Variants in TCF7L2 observed in about 807,000 individuals in gnomAD.
TCF7L2 encodes transcription factor 7-like 2.
TCF7L2 carries 23 observed loss-of-function variants against 77.9 expected under a neutral mutation model. The ratio of observed to expected loss-of-function variants is 0.30; its 90% CI spans 0.21 to 0.42. The LOEUF (loss-of-function observed/expected upper bound fraction) is 0.42. Among genes scored for constraint, TCF7L2 ranks in the 10% least tolerant of loss-of-function variants. The probability of loss-of-function intolerance (pLI) is 1.00; values close to 1 mark genes in which losing one functional copy is unlikely to be tolerated. For synonymous variants in TCF7L2, 413 were observed against 340.2 expected, an observed-to-expected ratio of 1.21 and a Z score of -2.36; for missense variants, 654 against 793.1, an observed-to-expected ratio of 0.82 and a Z score of 2.11.
chr10:113,023,579 C>A (rs2048589143), intron 4 of TCF7L2, among the ~76,000 whole-genome samples: 1 of 152,232 alleles, frequency 6.6e-6, no homozygotes, highest in African/African-American at 2.4e-5. Context: ...TCAAGCGATT[C>A]TCCTGCCTCA....
chr10:113,010,254 A>G (rs906022227), intron 4 of TCF7L2, among the ~76,000 whole-genome samples: 1 of 152,128 alleles, frequency 6.6e-6, no homozygotes, highest in Non-Finnish European at 1.5e-5. Context: ...TCTTTGTGAC[A>G]ATCACCCTCA....
chr10:112,961,513 TA>T (rs558346306), intron 3 of TCF7L2, among the ~76,000 whole-genome samples: 13 of 152,202 alleles, frequency 8.5e-5, no homozygotes, highest in African/African-American at 2.4e-4. Context: ...ATCTGTGCCT[TA>T]AAAAAATTAG....
intron 5 of TCF7L2, among the ~76,000 whole-genome samples, chr10:113,085,982 G>A (rs1445411344): frequency 6.6e-6 from 1 of 152,240 alleles, no homozygotes; most frequent in Non-Finnish European, 1.5e-5. Flanking sequence ...TAGAGGTGAA[G>A]GAGGGCCCTT....
intron 5 of TCF7L2, among the ~76,000 whole-genome samples, chr10:113,103,117 C>T (rs1033115323): frequency 1.3e-5 from 2 of 151,988 alleles, no homozygotes; most frequent in Non-Finnish European, 2.9e-5. Context: ...TCCTTGGTTC[C>T]ACTGAAAGTA....
intron 4 of TCF7L2, among the ~76,000 whole-genome samples, chr10:112,983,194 G>T (rs375276248): frequency 6.6e-6 from 1 of 151,166 alleles, no homozygotes; most frequent in African/African-American, 2.4e-5. Flanking sequence ...AATTTAGGCC[G>T]GGCACGGTGG....
chr10:113,077,233 G>A (rs1298677172), intron 5 of TCF7L2, among the ~76,000 whole-genome samples: 1 of 152,124 alleles, frequency 6.6e-6, no homozygotes, highest in African/African-American at 2.4e-5. Flanking sequence ...TCCCAGAGTT[G>A]TATATTCTTT....
chr10:113,023,289 A>C (rs1303854054), intron 4 of TCF7L2, among the ~76,000 whole-genome samples: 2 of 152,142 alleles, frequency 1.3e-5, no homozygotes, highest in East Asian at 3.8e-4. Flanking sequence ...CCTGCACCTG[A>C]GTAGGGACTG....
At chr10:113,160,121 G>C in intron 12 of TCF7L2, 129 bp downstream of exon 14, 1 of 791,598 alleles carries the variant, frequency 1.3e-6, no homozygotes, top group Non-Finnish European at 2.1e-6. Flanking sequence ...GTGGGACACT[G>C]CCAAGTGTAT....
chr10:112,951,123 C>A, intron 1 of TCF7L2, 84 bp from the exon 2 acceptor site: 1 of 1,304,662 alleles, frequency 7.7e-7, no homozygotes, highest in Non-Finnish European at 1.1e-6. Flanking sequence ...CCCCCCTCGA[C>A]CTCGCCGATT....
At chr10:113,043,976 T>A (rs1181843914) in intron 5 of TCF7L2, among the ~76,000 whole-genome samples, 2 of 152,168 alleles carry the variant, frequency 1.3e-5, no homozygotes, top group African/African-American at 4.8e-5. Flanking sequence ...ATGGTGGTAT[T>A]TTGGTATAGT....
intron 3 of TCF7L2, among the ~76,000 whole-genome samples, chr10:112,956,206 C>T (rs905365287): frequency 1.3e-5 from 2 of 151,940 alleles, no homozygotes; most frequent in African/African-American, 4.8e-5. Context: ...CCCCAGCTGT[C>T]TGGAAGTTAT....
chr10:112,955,102 C>T (rs78132812), intron 3 of TCF7L2, among the ~76,000 whole-genome samples: 1 of 152,032 alleles, frequency 6.6e-6, no homozygotes, highest in African/African-American at 2.4e-5. Context: ...TCCCACCCCC[C>T]CACCTCACCC....
intron 12 of TCF7L2, 85 bp from the exon 14 acceptor site, chr10:113,159,835 C>A (rs1174414268): frequency 2.2e-5 from 2 of 90,922 alleles, no homozygotes; most frequent in South Asian, 5.9e-5. Flanking sequence ...TCTCTTCCCC[C>A]CCCCCCCCCC....
At position 112,950,840 on chromosome 10, in the gene TCF7L2, G is replaced by A. The variant is rs373425129; in HGVS notation, c.84G>A (p.Glu28=). 137 of 1,608,438 alleles carry A rather than the reference G, an allele frequency of 8.5e-5. No homozygotes were observed. In the African/African-American group the frequency reaches 1.6e-3, roughly 19 times the overall value. ...CCTTCAAAGACGAGGGCGAACAGGA[G>A]GAGAAGAGCTCCGAAAACTCCTCGG... The change falls in exon 1 of 14, where the codon GAG becomes GAA. Residue 28 remains glutamate (E), a synonymous_variant. Coordinates refer to ENST00000627217, the MANE Select transcript of TCF7L2 (RefSeq NM_001146274.2).
chr10:112,961,612 AAG>A (rs1402530507), intron 3 of TCF7L2, among the ~76,000 whole-genome samples: 3 of 152,208 alleles, frequency 2.0e-5, no homozygotes. Context: ...GTGTTGGGAA[AAG>A]AGAGAGAGGG....
chr10:113,040,464 A>G (rs933317094), intron 5 of TCF7L2, among the ~76,000 whole-genome samples: 39 of 152,198 alleles, frequency 2.6e-4, no homozygotes. Flanking sequence ...AAATACATTC[A>G]GGGCAGGTGA....
intron 5 of TCF7L2, among the ~76,000 whole-genome samples, chr10:113,119,549 C>G (rs1301300801): frequency 1.3e-5 from 2 of 152,108 alleles, no homozygotes; most frequent in African/African-American, 4.8e-5. Context: ...ACCATGTTGG[C>G]ACTAAGATCA....
chr10:113,146,449 G>A (rs762845533), intron 8 of TCF7L2, among the ~76,000 whole-genome samples: 4 of 152,084 alleles, frequency 2.6e-5, no homozygotes, highest in Non-Finnish European at 5.9e-5. Context: ...ATTATACCAA[G>A]AAGAGTTCGA....
intron 4 of TCF7L2, among the ~76,000 whole-genome samples, chr10:112,982,598 A>G (rs1043797105): frequency 2.0e-5 from 3 of 152,126 alleles, no homozygotes; most frequent in African/African-American, 7.2e-5. Context: ...TCTCCTGAAT[A>G]AGAGTAGTCC....
Sources: gnomAD v4.1 joint callset for allele counts (sites outside exome capture counted in the v4.1 genomes callset) on GRCh38, gnomAD v4.1.1 for gene constraint, MANE v1.5 for transcripts, NCBI Gene and HGNC (gene_info 2026-07-23, HGNC 2026-07-21) for gene names.